The following GAREM1 variants were observed in gnomAD, a reference collection of about 807,000 sequenced individuals.
GAREM1 encodes GRB2 associated regulator of MAPK1 subtype 1, also known as GRB2-associated and regulator of MAPK protein 1.
A neutral mutation model predicts 71.3 loss-of-function variants in GAREM1; 26 were observed. The observed-to-expected ratio is 0.36, with a 90% CI of 0.27 to 0.51. GAREM1 has a LOEUF of 0.51. GAREM1 is among the 20% of genes least tolerant of loss of function. The pLI is 0.95. For missense variants in GAREM1, 1,026 were observed against 1,103.1 expected (o/e 0.93, Z 0.99); for synonymous variants, 440 against 433.2 (o/e 1.02, Z -0.20).
chr18:32,450,280 T>A (rs572375399), intron 1 of GAREM1, among the ~76,000 whole-genome samples: 4 of 152,228 alleles, frequency 2.6e-5, no homozygotes, highest in African/African-American at 9.6e-5. Context: ...GAAATCCTAC[T>A]GCAAAATCTA....
intron 4 of GAREM1, 44 bp from the exon 5 acceptor site, chr18:32,270,427 T>C (rs1295348955): frequency 1.9e-6 from 3 of 1,543,394 alleles, no homozygotes; most frequent in Non-Finnish European, 1.8e-6. Context: ...AGACTGACAA[T>C]GCCACGGGGC....
At chr18:32,450,724 C>A (rs983783436) in intron 1 of GAREM1, among the ~76,000 whole-genome samples, 5 of 152,080 alleles carry the variant, frequency 3.3e-5, no homozygotes, top group African/African-American at 1.2e-4. Flanking sequence ...AGTCATAATC[C>A]CAGCATATGG....
intron 4 of GAREM1, among the ~76,000 whole-genome samples, chr18:32,283,024 G>A (rs2046970115): frequency 6.6e-6 from 1 of 152,092 alleles, no homozygotes; most frequent in Non-Finnish European, 1.5e-5. Context: ...CACTTAAGAG[G>A]GACTGTCAGG....
intron 3 of GAREM1, among the ~76,000 whole-genome samples, chr18:32,302,379 T>C (rs1157983071): frequency 1.3e-5 from 2 of 152,248 alleles, no homozygotes; most frequent in African/African-American, 4.8e-5. Context: ...GGATAATTTA[T>C]AGCATTTTAT....
intron 3 of GAREM1, among the ~76,000 whole-genome samples, chr18:32,299,300 G>T (rs1244965902): frequency 6.6e-6 from 1 of 151,994 alleles, no homozygotes; most frequent in Non-Finnish European, 1.5e-5. Context: ...GGATCACGAG[G>T]TCAGGAGATC....
intron 2 of GAREM1, among the ~76,000 whole-genome samples, chr18:32,335,265 C>T (rs2047578566): frequency 6.6e-6 from 1 of 152,172 alleles, no homozygotes; most frequent in African/African-American, 2.4e-5. Flanking sequence ...AGAATGCTAA[C>T]GCTGGAACAG....
chr18:32,378,499 G>GAA (rs201544063), intron 2 of GAREM1, among the ~76,000 whole-genome samples: 37 of 98,020 alleles, frequency 3.8e-4, no homozygotes, highest in African/African-American at 1.1e-3. Flanking sequence ...GACTGTCTCC[G>GAA]AAAAAAAAAA....
At chr18:32,430,631 T>C (rs913966792) in intron 1 of GAREM1, among the ~76,000 whole-genome samples, 5 of 152,152 alleles carry the variant, frequency 3.3e-5, no homozygotes, top group African/African-American at 1.2e-4. Flanking sequence ...CTCTAAAAAG[T>C]ACACAGCAGC....
intron 2 of GAREM1, among the ~76,000 whole-genome samples, chr18:32,376,237 C>T (rs1233505181): frequency 6.6e-6 from 1 of 152,174 alleles, no homozygotes; most frequent in Non-Finnish European, 1.5e-5. Flanking sequence ...GATGCATTGA[C>T]GTCTCAAGAT....
At chr18:32,370,124 T>C (rs1288073171) in intron 2 of GAREM1, among the ~76,000 whole-genome samples, 1 of 152,150 alleles carries the variant, frequency 6.6e-6, no homozygotes, top group Non-Finnish European at 1.5e-5. Flanking sequence ...ATCATTCATA[T>C]CAACATGCTT....
chr18:32,325,509 G>C (rs188186118), intron 2 of GAREM1, among the ~76,000 whole-genome samples: 40 of 152,204 alleles, frequency 2.6e-4, no homozygotes, highest in African/African-American at 9.2e-4. Flanking sequence ...CCTCTCAATT[G>C]TGCCGTGAAT....
chr18:32,449,624 C>T (rs1181441583), intron 1 of GAREM1, among the ~76,000 whole-genome samples: 4 of 152,134 alleles, frequency 2.6e-5, no homozygotes, highest in Admixed American at 1.3e-4. Flanking sequence ...GTGATTGTGC[C>T]ACTGCACTCC....
chr18:32,397,671 C>T (rs1356139497), intron 1 of GAREM1, among the ~76,000 whole-genome samples: 2 of 152,136 alleles, frequency 1.3e-5, no homozygotes, highest in Admixed American at 1.3e-4. Flanking sequence ...TAGAGACCTA[C>T]AAAGAGACTT....
chr18:32,370,450 A>G (rs1384902190), intron 2 of GAREM1, among the ~76,000 whole-genome samples: 1 of 151,616 alleles, frequency 6.6e-6, no homozygotes, highest in African/African-American at 2.4e-5. Flanking sequence ...CGTAAGGTGA[A>G]TTTTTACCAT....
At chr18:32,333,806 G>T (rs918908238) in intron 2 of GAREM1, among the ~76,000 whole-genome samples, 1 of 152,084 alleles carries the variant, frequency 6.6e-6, no homozygotes, top group African/African-American at 2.4e-5. Flanking sequence ...CTCAGTTTTG[G>T]AAATAACCTC....
chr18:32,300,290 C>T (rs925249000), intron 3 of GAREM1, among the ~76,000 whole-genome samples: 2 of 152,130 alleles, frequency 1.3e-5, no homozygotes, highest in African/African-American at 2.4e-5. Context: ...AAACTTAAAA[C>T]GCAAGATTCC....
At chr18:32,389,804 A>AAAATAT (rs750050750) in intron 2 of GAREM1, among the ~76,000 whole-genome samples, 1 of 152,194 alleles carries the variant, frequency 6.6e-6, no homozygotes, top group Non-Finnish European at 1.5e-5. Flanking sequence ...TCTTGGAGAC[A>AAAATAT]AAATATATAC....
intron 4 of GAREM1, among the ~76,000 whole-genome samples, chr18:32,280,552 T>C (rs1598925444): frequency 6.6e-6 from 1 of 152,194 alleles, no homozygotes; most frequent in African/African-American, 2.4e-5. Context: ...CCCCCGACTC[T>C]GCCACTAAAA....
intron 3 of GAREM1, among the ~76,000 whole-genome samples, chr18:32,309,946 C>T (rs928210027): frequency 2.0e-5 from 3 of 152,134 alleles, no homozygotes; most frequent in African/African-American, 7.2e-5. Flanking sequence ...CACTTATATG[C>T]CTCAACAGCT....
Sources: gnomAD v4.1 joint callset for allele counts (sites outside exome capture counted in the v4.1 genomes callset) on GRCh38, gnomAD v4.1.1 for gene constraint, MANE v1.5 for transcripts, NCBI Gene and HGNC (gene_info 2026-07-23, HGNC 2026-07-21) for gene names.